The following CPA6 variants were observed in gnomAD, a reference collection of about 807,000 sequenced individuals.
The protein encoded by CPA6 is carboxypeptidase A6.
Under a neutral mutation model 63.3 loss-of-function variants are expected in CPA6, and 58 were observed. That is an observed-to-expected ratio of 0.92 (90% CI 0.74 to 1.14). CPA6 has a LOEUF of 1.14. Ranked by LOEUF, CPA6 falls within the 50% of genes most tolerant of loss-of-function variation. CPA6 has a pLI of 0.00. For synonymous variants in CPA6, 185 were observed against 179.0 expected (o/e 1.03, Z -0.27); for missense variants, 565 against 526.6 (o/e 1.07, Z -0.71).
At chr8:67,641,311 C>T (rs1815587980) in intron 1 of CPA6, among the ~76,000 whole-genome samples, 1 of 151,686 alleles carries the variant, frequency 6.6e-6, no homozygotes, top group Non-Finnish European at 1.5e-5. Context: ...CTAACAAACA[C>T]CCTGAGGTGG....
chr8:67,518,509 C>CT (rs71554610), intron 2 of CPA6, among the ~76,000 whole-genome samples: 38,802 of 129,752 alleles, frequency 0.3, 5,901 homozygotes, highest in Middle Eastern at 0.44. Flanking sequence ...CTTTTCTTTT[C>CT]TTTTTTTTTT....
chr8:67,614,803 C>T (rs1814903016), intron 2 of CPA6, among the ~76,000 whole-genome samples: 1 of 152,162 alleles, frequency 6.6e-6, no homozygotes, highest in African/African-American at 2.4e-5. Context: ...ATGAGCTCCC[C>T]TTCTCCATTC....
chr8:67,579,266 A>G (rs947040852), intron 2 of CPA6, among the ~76,000 whole-genome samples: 1 of 152,142 alleles, frequency 6.6e-6, no homozygotes, highest in Non-Finnish European at 1.5e-5. Context: ...CAAAAAAATT[A>G]GCCAGGTGTG....
chr8:67,461,019 A>C (rs1810788185), intron 8 of CPA6, among the ~76,000 whole-genome samples: 1 of 151,086 alleles, frequency 6.6e-6, no homozygotes, highest in African/African-American at 2.4e-5. Context: ...AGGCGTGAGG[A>C]ATGGTGGTGG....
intron 2 of CPA6, among the ~76,000 whole-genome samples, chr8:67,549,732 A>T (rs1368574835): frequency 6.6e-6 from 1 of 152,194 alleles, no homozygotes; most frequent in Non-Finnish European, 1.5e-5. Context: ...GGTATCATAC[A>T]GTATTTTTTC....
intron 2 of CPA6, among the ~76,000 whole-genome samples, chr8:67,622,873 A>G (rs762749812): frequency 5.3e-5 from 8 of 152,172 alleles, no homozygotes; most frequent in Non-Finnish European, 7.3e-5. Context: ...AAACCACCAC[A>G]TAGTTTTTGG....
chr8:67,537,726 T>C (rs1032189567), intron 2 of CPA6, among the ~76,000 whole-genome samples: 2 of 152,232 alleles, frequency 1.3e-5, no homozygotes, highest in Admixed American at 6.5e-5. Context: ...TGTCTTCTGC[T>C]AGCTTTTGAA....
intron 1 of CPA6, among the ~76,000 whole-genome samples, chr8:67,701,889 C>T (rs150387216): frequency 2.6e-5 from 4 of 152,138 alleles, no homozygotes; most frequent in African/African-American, 4.8e-5. Flanking sequence ...TAACTGCAGT[C>T]GCTTACAATT....
chr8:67,515,629 G>A (rs1249765037), intron 3 of CPA6, among the ~76,000 whole-genome samples: 1 of 147,832 alleles, frequency 6.8e-6, no homozygotes, highest in African/African-American at 2.7e-5. Flanking sequence ...TCGAACTCTT[G>A]GCCTGCCTTG....
At chr8:67,501,085 T>TA (rs1811821904) in intron 6 of CPA6, among the ~76,000 whole-genome samples, 1 of 152,114 alleles carries the variant, frequency 6.6e-6, no homozygotes, top group South Asian at 2.1e-4. Context: ...AGAATAATCT[T>TA]ATCTATGGCT....
At chr8:67,466,886 A>T (rs930538384) in intron 8 of CPA6, among the ~76,000 whole-genome samples, 1 of 152,208 alleles carries the variant, frequency 6.6e-6, no homozygotes, top group African/African-American at 2.4e-5. Context: ...TCATACACAC[A>T]TATCTGTCAC....
chr8:67,440,950 G>A (rs919860123), intron 8 of CPA6, among the ~76,000 whole-genome samples: 1 of 152,048 alleles, frequency 6.6e-6, no homozygotes, highest in Non-Finnish European at 1.5e-5. Context: ...TTATTGTAAG[G>A]ACAACTCACT....
At chr8:67,456,410 T>C (rs1282596197) in intron 8 of CPA6, among the ~76,000 whole-genome samples, 1 of 152,188 alleles carries the variant, frequency 6.6e-6, no homozygotes, top group Non-Finnish European at 1.5e-5. Flanking sequence ...AAAGAGCAGT[T>C]GGTACATTGT....
chr8:67,579,295 C>T (rs1423870715), intron 2 of CPA6, among the ~76,000 whole-genome samples: 1 of 152,118 alleles, frequency 6.6e-6, no homozygotes, highest in Non-Finnish European at 1.5e-5. Context: ...TGCCTGTAAT[C>T]CCAGCTGCTT....
chr8:67,488,387 C>T (rs942073516), intron 6 of CPA6, among the ~76,000 whole-genome samples: 1 of 152,214 alleles, frequency 6.6e-6, no homozygotes, highest in Admixed American at 6.5e-5. Flanking sequence ...ATTTCTGAGG[C>T]CCCTGTTCTG....
intron 8 of CPA6, among the ~76,000 whole-genome samples, chr8:67,450,837 G>A (rs1810541876): frequency 6.6e-6 from 1 of 152,200 alleles, no homozygotes; most frequent in African/African-American, 2.4e-5. Context: ...ACTAGCTCAG[G>A]TGGTGCGGTA....
At chr8:67,623,337 A>G (rs1017085146) in intron 2 of CPA6, among the ~76,000 whole-genome samples, 2 of 152,236 alleles carry the variant, frequency 1.3e-5, no homozygotes, top group African/African-American at 4.8e-5. Flanking sequence ...AAAAATAGAT[A>G]AACTCTCTCA....
intron 2 of CPA6, among the ~76,000 whole-genome samples, chr8:67,579,412 C>T (rs2128978010): frequency 6.6e-6 from 1 of 152,120 alleles, no homozygotes; most frequent in South Asian, 2.1e-4. Flanking sequence ...GACTCTGTCC[C>T]CACCACAAAA....
At chr8:67,745,101 A>G (rs1817983809) in intron 1 of CPA6, among the ~76,000 whole-genome samples, 1 of 152,242 alleles carries the variant, frequency 6.6e-6, no homozygotes, top group Non-Finnish European at 1.5e-5. Flanking sequence ...GTCATGATCC[A>G]GATCTACATG....
Sources: gnomAD v4.1 joint callset for allele counts (sites outside exome capture counted in the v4.1 genomes callset) on GRCh38, gnomAD v4.1.1 for gene constraint, MANE v1.5 for transcripts, NCBI Gene and HGNC (gene_info 2026-07-23, HGNC 2026-07-21) for gene names.